The following GRXCR1 variants were observed in gnomAD, a reference collection of about 807,000 sequenced individuals.
GRXCR1 encodes the protein glutaredoxin and cysteine rich domain containing 1.
A neutral mutation model predicts 27.3 loss-of-function variants in GRXCR1; 27 were observed. The ratio of observed to expected loss-of-function variants is 0.99; its 90% CI spans 0.73 to 1.37. The LOEUF is 1.37. GRXCR1 is among the 40% of genes most tolerant of loss of function. The pLI is 0.00. For synonymous variants in GRXCR1, 122 were observed against 131.1 expected (o/e 0.93, Z 0.47); for missense variants, 379 against 354.4 (o/e 1.07, Z -0.56).
intron 2 of GRXCR1, among the ~76,000 whole-genome samples, chr4:42,966,090 A>C (rs1326947784): frequency 6.6e-6 from 1 of 152,078 alleles, no homozygotes; most frequent in Non-Finnish European, 1.5e-5. Context: ...GCCCTTGGAT[A>C]CTCCACAGTG....
At chr4:42,987,260 T>TATAATATATAATATATATATATAA (rs1711794193) in intron 2 of GRXCR1, among the ~76,000 whole-genome samples, 1 of 73,266 alleles carries the variant, frequency 1.4e-5, no homozygotes, top group Non-Finnish European at 2.9e-5. Context: ...TATATATATA[T>TATAATATATAATATATATATATAA]AATATATATA....
intron 1 of GRXCR1, among the ~76,000 whole-genome samples, chr4:42,946,367 A>T (rs1747744699): frequency 6.6e-6 from 1 of 152,094 alleles, no homozygotes; most frequent in African/African-American, 2.4e-5. Context: ...TTCTTTTTTA[A>T]AAAATTTATC....
intron 1 of GRXCR1, among the ~76,000 whole-genome samples, chr4:42,894,908 T>G (rs1472984994): frequency 2.0e-5 from 3 of 152,120 alleles, no homozygotes; most frequent in Non-Finnish European, 4.4e-5. Context: ...AGACCAAGAT[T>G]TTTTGCAACA....
chr4:42,932,597 TATATATATATATATATATATATAGAG>T (rs1357369167), intron 1 of GRXCR1, among the ~76,000 whole-genome samples: 3 of 55,154 alleles, frequency 5.4e-5, no homozygotes, highest in East Asian at 1.1e-3. Context: ...TATATATATA[TATATATATATATATATATATATAGAG>T]AGAGAGAGAG....
At chr4:43,007,609 G>A (rs549860234) in intron 2 of GRXCR1, among the ~76,000 whole-genome samples, 3 of 152,304 alleles carry the variant, frequency 2.0e-5, no homozygotes, top group Middle Eastern at 3.4e-3. Context: ...AGCAGTAAAA[G>A]TGATAAGAAA....
intron 1 of GRXCR1, among the ~76,000 whole-genome samples, chr4:42,898,298 A>G (rs2109736324): frequency 6.6e-6 from 1 of 152,102 alleles, no homozygotes; most frequent in East Asian, 1.9e-4. Context: ...AATAGCTTCA[A>G]TTCAGCTTTG....
chr4:42,962,896 C>T lies in GRXCR1; in HGVS notation c.389C>T (p.Pro130Leu), dbSNP rs1237458002. ...AACTCAATGTTTTCCCTTCAGCAAC[C>T]ATCAACTGATCTAGAATTTGACCGT... Reference protein sequence around the residue: ...FNNLTKVLQQPSTDLEFDRVV... With the variant: ...FNNLTKVLQQLSTDLEFDRVV... Residue 130 changes from proline (P) to leucine (L), a missense_variant, in exon 2 of 4, where the codon CCA (proline) becomes CTA (leucine). Pro to Leu is a moderately conservative substitution (Grantham distance 98, BLOSUM62 -3). Transcript: ENST00000399770. 2.5e-6 allele frequency: 4 copies of T among 1,612,460 alleles called. No homozygotes were observed. The highest frequency in any genetic ancestry group is 3.4e-6 in the Non-Finnish European group (4 of 1,178,830).
chr4:42,988,628 C>T (rs1476648165), intron 2 of GRXCR1, among the ~76,000 whole-genome samples: 1 of 152,028 alleles, frequency 6.6e-6, no homozygotes, highest in African/African-American at 2.4e-5. Context: ...TTCTTTAACT[C>T]TTTATTATTA....
In GRXCR1 at chr4:42,928,675, T is replaced by C. The variant is rs138190951; in HGVS notation, c.385-34217T>C. On this transcript the variant is annotated intron_variant, in intron 1 of 3. Transcript: ENST00000399770. ...ACCAGAGTGCTCAGGAGGCAGAAGA[T>C]AGGAGCAAGGGGAGAGATTGGGCCA... Among the ~76,000 whole-genome samples the C allele has an allele frequency of 5.7e-3, 860 of 151,994 alleles. 10 individuals carry two copies. The highest frequency in any genetic ancestry group is 0.02 in the African/African-American group (810 of 41,506).
intron 1 of GRXCR1, among the ~76,000 whole-genome samples, chr4:42,904,745 TACTA>T (rs1300172829): frequency 6.6e-6 from 1 of 152,160 alleles, no homozygotes; most frequent in African/African-American, 2.4e-5. Flanking sequence ...AATCAAATAC[TACTA>T]AGTATTCTGC....
At chr4:43,010,191 C>G (rs974231103) in intron 2 of GRXCR1, among the ~76,000 whole-genome samples, 3 of 152,116 alleles carry the variant, frequency 2.0e-5, no homozygotes, top group Admixed American at 2.0e-4. Context: ...CACCTGAGGT[C>G]AGGACTTCGA....
At chr4:42,918,596 G>A (rs1290895637) in intron 1 of GRXCR1, among the ~76,000 whole-genome samples, 1 of 152,058 alleles carries the variant, frequency 6.6e-6, no homozygotes, top group African/African-American at 2.4e-5. Flanking sequence ...ACAACACCAA[G>A]AATATTTATT....
chr4:42,963,081 G>A lies in GRXCR1; in HGVS notation c.574G>A (p.Val192Ile), dbSNP rs765414896. 76 of 1,612,688 alleles carry A rather than the reference G, an allele frequency of 4.7e-5. No individual in the cohort carries two copies. The highest frequency in any genetic ancestry group is 6.2e-5 in the Non-Finnish European group (73 of 1,179,054). ...GKELDERCRRVSEAPSLPVVF... is the reference protein window; with the variant it reads ...GKELDERCRRISEAPSLPVVF... ...AGAGTTAGACGAACGATGCCGACGA[G>A]TTTCTGAAGCTCCTTCCCTCCCTGT... Residue 192 changes from valine (V) to isoleucine (I), a missense_variant, in exon 2 of 4, where the codon GTT (valine) becomes ATT (isoleucine). Transcript: ENST00000399770.
At chr4:43,026,313 G>C (rs1034006504) in intron 3 of GRXCR1, among the ~76,000 whole-genome samples, 2 of 152,124 alleles carry the variant, frequency 1.3e-5, no homozygotes, top group Non-Finnish European at 2.9e-5. Flanking sequence ...CAGACTTCCA[G>C]TATAACAAAT....
At chr4:43,013,360 A>G (rs1377055274) in intron 2 of GRXCR1, among the ~76,000 whole-genome samples, 1 of 152,218 alleles carries the variant, frequency 6.6e-6, no homozygotes, top group Non-Finnish European at 1.5e-5. Context: ...GGCCATTATC[A>G]TAAGTGAATT....
At chr4:42,963,805 T>C (rs972160582) in intron 2 of GRXCR1, among the ~76,000 whole-genome samples, 2 of 151,978 alleles carry the variant, frequency 1.3e-5, no homozygotes, top group African/African-American at 2.4e-5. Flanking sequence ...GAGTACACTT[T>C]GGAAAAGGTG....
intron 1 of GRXCR1, among the ~76,000 whole-genome samples, chr4:42,923,360 A>G (rs886983639): frequency 2.6e-5 from 4 of 152,148 alleles, no homozygotes; most frequent in African/African-American, 9.6e-5. Context: ...ATGTGCTTAC[A>G]TTCTTGGCTT....
At chr4:42,922,460 G>A (rs1747036238) in intron 1 of GRXCR1, among the ~76,000 whole-genome samples, 1 of 152,256 alleles carries the variant, frequency 6.6e-6, no homozygotes, top group East Asian at 1.9e-4. Flanking sequence ...AAGATAATGG[G>A]CTCACGAAGA....
rs771426438 is a variant in GRXCR1, at chr4:42,893,287, G to A, written c.21G>A (p.Lys7=). The A allele has an allele frequency of 2.5e-6, 4 of 1,613,626 alleles. No individual in the cohort carries two copies. The highest frequency in any genetic ancestry group is 4.5e-5 in the East Asian group (2 of 44,816). Residue 7 remains lysine (K), a synonymous_variant, in exon 1 of 4, where the codon AAG becomes AAA. Coordinates refer to ENST00000399770, the MANE Select transcript of GRXCR1 (RefSeq NM_001080476.3). MLKREM[K]PESDRPRKVR... is the part of the protein sequence containing the mutation. ...TGACCATGCTTAAAAGGGAGATGAA[G>A]CCAGAAAGTGACAGGCCACGGAAAG...
Sources: allele counts gnomAD v4.1 joint callset (sites outside exome capture counted in the v4.1 genomes callset), GRCh38; gene constraint gnomAD v4.1.1; transcripts MANE v1.5; gene names NCBI Gene and HGNC (gene_info 2026-07-23, HGNC 2026-07-21).